The following FAT4 variants were observed in gnomAD, a reference collection of about 807,000 sequenced individuals.
FAT4 encodes FAT atypical cadherin 4.
In FAT4, 84 loss-of-function variants were observed where a neutral mutation model predicts 303.9. The observed-to-expected ratio is 0.28, with a 90% CI of 0.23 to 0.33. FAT4 has a LOEUF of 0.33. FAT4 is among the 10% of genes least tolerant of loss of function. FAT4 has a pLI of 1.00. For synonymous variants in FAT4, 2,307 were observed against 2,298.8 expected, an observed-to-expected ratio of 1.00 and a Z score of -0.10; for missense variants, 6,005 against 6,146.8, an observed-to-expected ratio of 0.98 and a Z score of 0.77.
At chr4:125,443,765 A>G (rs1725738066) in intron 8 of FAT4, among the ~76,000 whole-genome samples, 1 of 152,180 alleles carries the variant, frequency 6.6e-6, no homozygotes. Context: ...TAACTTTACA[A>G]AAATTAATGC....
chr4:125,469,219 T>C (rs541601547), intron 12 of FAT4, among the ~76,000 whole-genome samples: 10 of 152,314 alleles, frequency 6.6e-5, no homozygotes, highest in African/African-American at 2.4e-4. Context: ...AAACACTTTA[T>C]TGTTAAAAAA....
intron 5 of FAT4, among the ~76,000 whole-genome samples, chr4:125,409,486 C>A (rs571298681): frequency 6.6e-6 from 1 of 152,264 alleles, no homozygotes; most frequent in Non-Finnish European, 1.5e-5. Flanking sequence ...CAACTCCTGA[C>A]CTCAGATGAC....
At chr4:125,330,687 T>G (rs913746571) in intron 2 of FAT4, among the ~76,000 whole-genome samples, 1 of 152,196 alleles carries the variant, frequency 6.6e-6, no homozygotes, top group Non-Finnish European at 1.5e-5. Context: ...CAATATAAGT[T>G]TCTGTTGAAT....
rs1265087390 is a variant in FAT4, at chr4:125,320,761, C to T, written c.4350C>T (p.Asp1450=). The change falls in exon 2 of 18, where the codon GAC becomes GAT. Residue 1450 remains aspartate, a synonymous_variant. Coordinates refer to ENST00000394329, the MANE Select transcript of FAT4 (RefSeq NM_001291303.3). ...TGACTGCACATGACCCTGATGCAGA[C>T]ATTAATGGTCAACTATCCTACACAA... is the stretch of plus-strand genomic sequence containing the variant. ...ISVTAHDPDA[D]INGQLSYTII... 6.2e-7 allele frequency: 1 copy of T among 1,614,140 alleles called. No individual in the cohort carries two copies. Among genetic ancestry groups the T allele is most frequent in the Non-Finnish European group, 8.5e-7 (1 of 1,179,984 alleles).
intron 2 of FAT4, among the ~76,000 whole-genome samples, chr4:125,387,140 G>A (rs1002085455): frequency 1.2e-4 from 19 of 152,114 alleles, no homozygotes; most frequent in African/African-American, 4.6e-4. Context: ...TTCCTAACAG[G>A]CCACAAACCA....
At chr4:125,375,765 A>G (rs554473693) in intron 2 of FAT4, among the ~76,000 whole-genome samples, 1 of 152,308 alleles carries the variant, frequency 6.6e-6, no homozygotes, top group South Asian at 2.1e-4. Flanking sequence ...TTTATTAACA[A>G]TCTGTTTACT....
In FAT4 at chr4:125,451,587, G is replaced by T; in HGVS notation, c.10577G>T (p.Gly3526Val). ...GAAGTCATGGAAAACAAACGGCCAG[G>T]CACTTTGGTGATGACCCTTCAGTCC... is the stretch of plus-strand genomic sequence containing the variant. Reference protein sequence around the residue: ...EGEVMENKRPGTLVMTLQSTD... With the variant: ...EGEVMENKRPVTLVMTLQSTD... The change falls in exon 10 of 18, where the codon GGC (glycine) becomes GTC (valine). Residue 3526 changes from glycine (G) to valine (V), a missense_variant. Gly to Val is a moderately radical substitution (Grantham distance 109). Coordinates refer to ENST00000394329, the MANE Select transcript of FAT4 (RefSeq NM_001291303.3). 1 of 1,613,892 alleles carries T rather than the reference G, an allele frequency of 6.2e-7. No homozygotes were observed. The highest frequency in any genetic ancestry group is 2.2e-5 in the East Asian group (1 of 44,834).
intron 2 of FAT4, among the ~76,000 whole-genome samples, chr4:125,347,603 A>C (rs971020771): frequency 6.6e-6 from 1 of 151,608 alleles, no homozygotes; most frequent in Non-Finnish European, 1.5e-5. Context: ...CATAAATATA[A>C]ATCATAAATA....
At position 125,450,167 on chromosome 4, in the gene FAT4, T is replaced by C. The variant is rs1167460015; in HGVS notation, c.9157T>C (p.Leu3053=). The C allele has an allele frequency of 6.2e-7, 1 of 1,613,684 alleles. No homozygotes were observed. Among genetic ancestry groups the C allele is most frequent in the South Asian group, 1.1e-5 (1 of 91,092 alleles). ...ISVASSLISD[L]NQNFFITVTA... Reference sequence around the variant, plus strand: ...AGTAGCATCCTCCCTGATTTCTGACTTGAACCAAAACTTTTTTATCACAGT... The same window carrying C: ...AGTAGCATCCTCCCTGATTTCTGACCTGAACCAAAACTTTTTTATCACAGT... The change falls in exon 10 of 18, where the codon TTG becomes CTG. Residue 3053 remains leucine (L), a synonymous_variant. Coordinates refer to ENST00000394329, the MANE Select transcript of FAT4 (RefSeq NM_001291303.3).
Position 125,317,699 on chromosome 4 carries a change from C to G in FAT4, c.1288C>G (p.Arg430Gly). 6.2e-7 allele frequency: 1 copy of G among 1,614,080 alleles called. No homozygotes were observed. The highest frequency in any genetic ancestry group is 1.3e-5 in the African/African-American group (1 of 75,072). ...IKVASALDRE[R>G]IPSYNLTVSV... is the part of the protein sequence containing the mutation. The stretch of plus-strand genomic sequence containing the variant: ...GGTGGCCAGCGCCTTGGACCGCGAG[C>G]GCATCCCTTCCTACAACCTCACAGT... The change falls in exon 2 of 18, where the codon CGC (arginine) becomes GGC (glycine). Residue 430 changes from arginine (R) to glycine (G), a missense_variant. Arg to Gly is a moderately radical substitution (Grantham distance 125, BLOSUM62 -2). Transcript: ENST00000394329. The surrounding 1 kb of genome is among the most constrained non-coding windows in gnomAD (Gnocchi z 7.0).
At chr4:125,469,648 C>T (rs1445248092) in intron 12 of FAT4, among the ~76,000 whole-genome samples, 1 of 152,158 alleles carries the variant, frequency 6.6e-6, no homozygotes, top group East Asian at 1.9e-4. Flanking sequence ...GCTTCTCATC[C>T]TTTCATGTTT....
At chr4:125,435,593 C>A (rs187409714) in intron 8 of FAT4, among the ~76,000 whole-genome samples, 22 of 152,316 alleles carry the variant, frequency 1.4e-4, no homozygotes, top group Admixed American at 5.2e-4. Context: ...AATACTTGGT[C>A]TCTCTAAGAA....
In FAT4 at chr4:125,491,896, T is replaced by C; in HGVS notation, c.*128T>C. On this transcript the variant is annotated 3_prime_UTR_variant, in exon 18 of 18. Transcript: ENST00000394329. ...TGGACTAGTGGTGGAGGGAAAACTT[T>C]AAAAATAATAACCACAATGCTGCTG... 2.2e-5 allele frequency: 19 copies of C among 879,542 alleles called. No homozygotes were observed. In the South Asian group the frequency reaches 3.4e-4, roughly 16 times the overall value. 54.5% of individuals were successfully genotyped at this position (879,542 alleles called of 1,614,324 possible).
intron 2 of FAT4, among the ~76,000 whole-genome samples, chr4:125,383,343 T>C (rs1733610912): frequency 6.6e-6 from 1 of 151,976 alleles, no homozygotes; most frequent in Non-Finnish European, 1.5e-5. Context: ...TGTTTCCATA[T>C]TGTTGTTCTC....
intron 4 of FAT4, among the ~76,000 whole-genome samples, chr4:125,407,500 C>A (rs556206525): frequency 7.1e-4 from 107 of 151,634 alleles, no homozygotes; most frequent in Non-Finnish European, 1.2e-3. Context: ...ACATGAAAAA[C>A]TGTGAATATT....
chr4:125,356,053 G>T (rs17009521), intron 2 of FAT4, among the ~76,000 whole-genome samples: 9,332 of 152,006 alleles, frequency 0.061, 281 homozygotes, highest in Middle Eastern at 0.088. Context: ...TGAGTGGAAG[G>T]CTGGTAAAAG....
intron 10 of FAT4, among the ~76,000 whole-genome samples, chr4:125,461,375 TATACTC>T (rs1005324375): frequency 6.6e-6 from 1 of 152,040 alleles, no homozygotes; most frequent in African/African-American, 2.4e-5. Flanking sequence ...ACTTGGGATT[TATACTC>T]ATATATTTTT....
intron 9 of FAT4, among the ~76,000 whole-genome samples, chr4:125,448,062 C>T (rs1192638948): frequency 1.3e-5 from 2 of 152,072 alleles, no homozygotes; most frequent in Admixed American, 6.6e-5. Context: ...GCAACGGTAT[C>T]ATTGCATTGG....
chr4:125,359,788 A>G (rs1444631605), intron 2 of FAT4, among the ~76,000 whole-genome samples: 1 of 152,120 alleles, frequency 6.6e-6, no homozygotes, highest in African/African-American at 2.4e-5. Context: ...AAATGCCCTT[A>G]CGTTTTTGCC....
Sources: allele counts gnomAD v4.1 joint callset (sites outside exome capture counted in the v4.1 genomes callset), GRCh38; gene constraint gnomAD v4.1.1; non-coding constraint Gnocchi (gnomAD v3.1); transcripts MANE v1.5; gene names NCBI Gene and HGNC (gene_info 2026-07-23, HGNC 2026-07-21).